The following SPATS2 variants were observed in gnomAD, a reference collection of about 807,000 sequenced individuals.
The protein encoded by SPATS2 is spermatogenesis associated serine rich 2.
SPATS2 carries 38 observed loss-of-function variants against 63.7 expected under a neutral mutation model. That is an observed-to-expected ratio of 0.60 (90% CI 0.46 to 0.78). SPATS2 has a LOEUF of 0.78. Among genes scored for constraint, SPATS2 ranks in the 30% least tolerant of loss-of-function variants. The probability of loss-of-function intolerance (pLI) is 0.00; values close to 1 mark genes in which losing one functional copy is unlikely to be tolerated. For missense variants in SPATS2, 588 were observed against 666.2 expected (o/e 0.88, Z 1.29); for synonymous variants, 207 against 232.9 (o/e 0.89, Z 1.01).
At chr12:49,373,700 G>A (rs1944042057) in intron 2 of SPATS2, among the ~76,000 whole-genome samples, 1 of 152,180 alleles carries the variant, frequency 6.6e-6, no homozygotes, top group Admixed American at 6.5e-5. Flanking sequence ...GCCAAGGTGG[G>A]CGGATCATCA....
intron 3 of SPATS2, among the ~76,000 whole-genome samples, chr12:49,467,404 G>T (rs1415602672): frequency 6.6e-6 from 1 of 152,046 alleles, no homozygotes; most frequent in Non-Finnish European, 1.5e-5. Context: ...TGATCTCTGA[G>T]TCTAGCACTG....
intron 2 of SPATS2, among the ~76,000 whole-genome samples, chr12:49,372,561 C>T (rs780978938): frequency 3.3e-5 from 5 of 152,098 alleles, no homozygotes; most frequent in Admixed American, 2.6e-4. Context: ...TATGAATGAT[C>T]GTCTTAAGAA....
intron 2 of SPATS2, among the ~76,000 whole-genome samples, chr12:49,456,440 A>G (rs1240878667): frequency 6.6e-6 from 1 of 152,214 alleles, no homozygotes; most frequent in African/African-American, 2.4e-5. Context: ...AGTAAAGGTA[A>G]AGGAAGGACA....
chr12:49,437,564 C>T (rs1431727700), intron 2 of SPATS2, among the ~76,000 whole-genome samples: 5 of 152,308 alleles, frequency 3.3e-5, no homozygotes, highest in East Asian at 1.9e-4. Flanking sequence ...AACGCGACTC[C>T]GTCTGCCATC....
chr12:49,458,869 A>G (rs1945768767), intron 2 of SPATS2, among the ~76,000 whole-genome samples: 2 of 152,200 alleles, frequency 1.3e-5, no homozygotes, highest in South Asian at 4.1e-4. Context: ...TGTAATTTAA[A>G]GGAGCTTCCT....
At chr12:49,413,282 G>A (rs1294185558) in intron 2 of SPATS2, among the ~76,000 whole-genome samples, 1 of 152,146 alleles carries the variant, frequency 6.6e-6, no homozygotes, top group Non-Finnish European at 1.5e-5. Flanking sequence ...ATAGGCAGGG[G>A]ATGGAACAGC....
At chr12:49,408,803 A>G (rs1293027113) in intron 2 of SPATS2, among the ~76,000 whole-genome samples, 1 of 151,430 alleles carries the variant, frequency 6.6e-6, no homozygotes, top group Non-Finnish European at 1.5e-5. Context: ...TGATCCACCC[A>G]CCTCGGCTTC....
At chr12:49,444,279 A>G (rs570443780) in intron 2 of SPATS2, among the ~76,000 whole-genome samples, 1 of 151,672 alleles carries the variant, frequency 6.6e-6, no homozygotes, top group South Asian at 2.1e-4. Context: ...TGGCATGATC[A>G]TAGCTCACTG....
intron 8 of SPATS2, among the ~76,000 whole-genome samples, chr12:49,499,699 T>A (rs897448103): frequency 2.6e-5 from 4 of 152,184 alleles, no homozygotes; most frequent in Non-Finnish European, 5.9e-5. Context: ...CCTCCCTGCA[T>A]TGTAGCCTAG....
intron 3 of SPATS2, among the ~76,000 whole-genome samples, chr12:49,477,584 G>A (rs1162898295): frequency 6.6e-6 from 1 of 152,160 alleles, no homozygotes; most frequent in Non-Finnish European, 1.5e-5. Context: ...AACCTCCGGA[G>A]AGGATACGTG....
intron 3 of SPATS2, among the ~76,000 whole-genome samples, chr12:49,465,547 CTT>C (rs1267304466): frequency 1.3e-5 from 2 of 152,044 alleles, no homozygotes; most frequent in Non-Finnish European, 2.9e-5. Context: ...GTTTTGGAGT[CTT>C]ATTATCGAAT....
At chr12:49,389,230 C>G (rs566202033) in intron 2 of SPATS2, among the ~76,000 whole-genome samples, 2 of 152,292 alleles carry the variant, frequency 1.3e-5, no homozygotes, top group Non-Finnish European at 2.9e-5. Flanking sequence ...CCTGCCCCAC[C>G]GTAACGCGAG....
intron 2 of SPATS2, among the ~76,000 whole-genome samples, chr12:49,419,681 A>G (rs998883206): frequency 1.3e-5 from 2 of 152,204 alleles, no homozygotes; most frequent in Admixed American, 6.5e-5. Flanking sequence ...ACTTTGTGTG[A>G]ATATTAGAAT....
intron 3 of SPATS2, among the ~76,000 whole-genome samples, chr12:49,472,502 T>TA (rs1477083380): frequency 6.6e-6 from 1 of 150,746 alleles, no homozygotes; most frequent in African/African-American, 2.4e-5. Context: ...ATTTAACAGA[T>TA]AGAGAAATAC....
chr12:49,486,649 C>CAA (rs1424235520), intron 4 of SPATS2, among the ~76,000 whole-genome samples: 2 of 151,508 alleles, frequency 1.3e-5, no homozygotes, highest in East Asian at 3.9e-4. Context: ...TTTTTTGAAA[C>CAA]AGAGTCTCCC....
At chr12:49,403,009 T>G (rs1373012648) in intron 2 of SPATS2, among the ~76,000 whole-genome samples, 2 of 152,126 alleles carry the variant, frequency 1.3e-5, no homozygotes, top group Non-Finnish European at 2.9e-5. Context: ...GGGGATATGA[T>G]GCAAAGATTT....
intron 13 of SPATS2, 37 bp downstream of exon 13, chr12:49,524,933 A>G: frequency 6.3e-7 from 1 of 1,591,328 alleles, no homozygotes; most frequent in Non-Finnish European, 8.6e-7. Context: ...TTAGGAAGAA[A>G]ACCCTCCAGA....
intron 2 of SPATS2, among the ~76,000 whole-genome samples, chr12:49,436,078 A>G (rs1402910051): frequency 5.9e-5 from 9 of 151,838 alleles, no homozygotes; most frequent in East Asian, 1.9e-4. Flanking sequence ...CGATTTCTCA[A>G]TCTTTTCCCC....
At chr12:49,522,709 T>C (rs775476640) in intron 11 of SPATS2, 42 bp from the exon 12 acceptor site, 3 of 1,487,676 alleles carry the variant, frequency 2.0e-6, no homozygotes, top group Middle Eastern at 3.5e-4. Context: ...TCCATGGATG[T>C]TGTTTGTCTA....
Sources: allele counts gnomAD v4.1 joint callset (sites outside exome capture counted in the v4.1 genomes callset), GRCh38; gene constraint gnomAD v4.1.1; transcripts MANE v1.5; gene names NCBI Gene and HGNC (gene_info 2026-07-23, HGNC 2026-07-21).